Variants in FBXO47 observed in about 807,000 individuals in gnomAD.
FBXO47 encodes the protein F-box only protein 47.
Under a neutral mutation model 53.9 loss-of-function variants are expected in FBXO47, and 34 were observed. The observed-to-expected ratio is 0.63, with a 90% CI of 0.48 to 0.84. The LOEUF is 0.84. Ranked by LOEUF, FBXO47 falls within the 40% of genes least tolerant of loss-of-function variation. The pLI is 0.00. For synonymous variants in FBXO47, 165 were observed against 181.6 expected (o/e 0.91, Z 0.73); for missense variants, 485 against 541.3 (o/e 0.90, Z 1.03).
At chr17:38,944,107 G>T (rs1212040974) in intron 7 of FBXO47, among the ~76,000 whole-genome samples, 1 of 151,904 alleles carries the variant, frequency 6.6e-6, no homozygotes, top group African/African-American at 2.4e-5. Context: ...GCTTGAACCT[G>T]GGAGGCGGAG....
At chr17:38,965,759 T>C (rs1235990901) in intron 1 of FBXO47, among the ~76,000 whole-genome samples, 1 of 137,466 alleles carries the variant, frequency 7.3e-6, no homozygotes, top group South Asian at 2.4e-4. Context: ...GGCACGCGAC[T>C]GTAGTCCCAG....
intron 7 of FBXO47, 112 bp downstream of exon 7, chr17:38,944,848 A>ATGCGTGTGTGTGTGTGTG (rs150367922): frequency 1.3e-5 from 8 of 616,810 alleles, no homozygotes; most frequent in African/African-American, 1.9e-5. Context: ...GCGTGCATGC[A>ATGCGTGTGTGTGTGTGTG]TGTGTGTGTG....
intron 6 of FBXO47, among the ~76,000 whole-genome samples, chr17:38,949,644 G>C (rs529413168): frequency 6.6e-6 from 1 of 152,266 alleles, no homozygotes; most frequent in East Asian, 1.9e-4. Context: ...AGCAATATAT[G>C]AGGATTGTTG....
chr17:38,964,417 G>A (rs1002532093), intron 1 of FBXO47, among the ~76,000 whole-genome samples: 2 of 152,062 alleles, frequency 1.3e-5, no homozygotes, highest in East Asian at 1.9e-4. Context: ...CCAACATAGC[G>A]AAACCCCGTC....
At chr17:38,965,218 C>A (rs1189779039) in intron 1 of FBXO47, among the ~76,000 whole-genome samples, 1 of 152,174 alleles carries the variant, frequency 6.6e-6, no homozygotes, top group Non-Finnish European at 1.5e-5. Context: ...TGTTCTAATT[C>A]AGAAAACAAT....
Position 38,945,001 on chromosome 17 carries a change from C to T in FBXO47, c.752G>A (p.Arg251Lys), listed in dbSNP as rs1306551846. 1 of 1,613,924 alleles carries T rather than the reference C, an allele frequency of 6.2e-7. No individual in the cohort carries two copies. Among genetic ancestry groups the T allele is most frequent in the Non-Finnish European group, 8.5e-7 (1 of 1,179,994 alleles). ...TGGCCCAAAGATGATATACAGTAAT[C>T]TTGCCTGATTCACCATTGGCCATGG... ...LKPWPMVNQA[R>K]LLYIIFGPIS... The change falls in exon 7 of 11, where the codon AGA becomes AAA. Residue 251 changes from arginine to lysine, a missense_variant. Transcript: ENST00000378079.
In FBXO47 at chr17:38,937,115, G is replaced by T. The variant is rs892752969; in HGVS notation, c.*60C>A. ...TGGATGCTATTTTTTGAGTGAAAAA[G>T]TAGCACTCCTCTAATCATTCGTTCA... On this transcript the variant is annotated 3_prime_UTR_variant, in exon 11 of 11. Transcript: ENST00000378079. 70 of 650,480 alleles carry T rather than the reference G, an allele frequency of 1.1e-4. No homozygotes were observed. The highest frequency in any genetic ancestry group is 3.0e-5 in the East Asian group (1 of 33,824). The allele number at this position is 650,480 out of a possible 1,614,324, so 40.3% of individuals were successfully genotyped here.
intron 9 of FBXO47, among the ~76,000 whole-genome samples, chr17:38,942,420 C>A (rs992049977): frequency 1.3e-5 from 2 of 152,014 alleles, no homozygotes; most frequent in African/African-American, 4.8e-5. Flanking sequence ...TAGTGAAACC[C>A]CGTCTCTACT....
Position 38,937,248 on chromosome 17 carries a change from T to C in FBXO47, c.1286A>G (p.His429Arg), listed in dbSNP as rs111921761. ...EDDRSFLNLF[H>R]LVHAQANFHK... is the part of the protein sequence containing the mutation. ...GAAGTTAGCCTGAGCATGTACAAGA[T>C]GGAACAAATTCAAAAAGCTTCTGTC... Residue 429 changes from histidine to arginine, a missense_variant, in exon 11 of 11, where the codon CAT becomes CGT. Physicochemically the swap from His to Arg is conservative, Grantham distance 29. Transcript: ENST00000378079. 1.2e-6 allele frequency: 2 copies of C among 1,610,828 alleles called. No homozygotes were observed. Among genetic ancestry groups the C allele is most frequent in the African/African-American group, 1.3e-5 (1 of 74,882 alleles).
intron 3 of FBXO47, among the ~76,000 whole-genome samples, chr17:38,960,669 T>A (rs1404212545): frequency 6.6e-6 from 1 of 150,440 alleles, no homozygotes; most frequent in African/African-American, 2.5e-5. Context: ...TTTCGCTTTG[T>A]CACCTAGGCT....
At chr17:38,943,274 G>A (rs377140181) in intron 8 of FBXO47, among the ~76,000 whole-genome samples, 1 of 152,114 alleles carries the variant, frequency 6.6e-6, no homozygotes, top group South Asian at 2.1e-4. Context: ...TTTACTCACA[G>A]AAGAGGGCTT....
Position 38,946,010 on chromosome 17 carries a change from T to TAAATATAA in FBXO47, c.617-882_617-875dup, listed in dbSNP as rs1467322121. Among the ~76,000 whole-genome samples the TAAATATAA allele has an allele frequency of 2.3e-5, 3 of 129,424 alleles. No individual in the cohort carries two copies. In the South Asian group the frequency reaches 6.8e-4, roughly 30 times the overall value. 84.9% of individuals were successfully genotyped at this position (129,424 alleles called of 152,430 possible). ...AAATATATAAATATATATAAATACA[T>TAAATATAA]AAATATAAAAATATAAAAATATATA... On this transcript the variant is annotated intron_variant, in intron 6 of 10. Coordinates refer to ENST00000378079, the MANE Select transcript of FBXO47 (RefSeq NM_001008777.3).
chr17:38,961,732 C>G, intron 3 of FBXO47, 145 bp downstream of exon 3: 1 of 674,512 alleles, frequency 1.5e-6, no homozygotes, highest in Non-Finnish European at 2.5e-6. Context: ...AGGGAGTGTT[C>G]TCACACTAAA....
intron 9 of FBXO47, 87 bp from the exon 10 acceptor site, chr17:38,938,819 G>C: frequency 9.0e-7 from 1 of 1,110,994 alleles, no homozygotes; most frequent in Non-Finnish European, 1.3e-6. Flanking sequence ...AATAATTATA[G>C]TTTGTGATTT....
Position 38,936,767 on chromosome 17 carries a change from G to A in FBXO47, c.*408C>T, listed in dbSNP as rs1915590661. On this transcript the variant is annotated 3_prime_UTR_variant, in exon 11 of 11. Coordinates refer to ENST00000378079, the MANE Select transcript of FBXO47 (RefSeq NM_001008777.3). ...TTGCAAATCTTCACAAAACATTCTG[G>A]GCTATGTCTATACAACTTAAACAAA... is the stretch of plus-strand genomic sequence containing the variant. The A allele has an allele frequency of 6.5e-6, 1 of 153,872 alleles. No homozygotes were observed. The highest frequency in any genetic ancestry group is 1.4e-5 in the Non-Finnish European group (1 of 69,356). The allele number at this position is 153,872 out of a possible 1,614,324, so 9.5% of individuals were successfully genotyped here.
chr17:38,951,796 C>T, intron 5 of FBXO47, 107 bp from the exon 6 acceptor site: 1 of 722,384 alleles, frequency 1.4e-6, no homozygotes. Context: ...TTTGGGAGGC[C>T]AAGGTGGGTG....
intron 5 of FBXO47, 28 bp from the exon 6 acceptor site, chr17:38,951,717 A>G: frequency 6.6e-7 from 1 of 1,507,588 alleles, no homozygotes; most frequent in Non-Finnish European, 9.2e-7. Context: ...AACATTGTGG[A>G]TATTCAGACT....
At chr17:38,961,467 G>T (rs942001154) in intron 3 of FBXO47, among the ~76,000 whole-genome samples, 10 of 152,200 alleles carry the variant, frequency 6.6e-5, no homozygotes, top group Non-Finnish European at 1.3e-4. Context: ...AGTTTCTGCT[G>T]AGAGGATAAA....
rs1484207207 is a variant in FBXO47, at chr17:38,938,689, AT to A, written c.1126del (p.Met376Ter). On this transcript the variant is annotated frameshift_variant, in exon 10 of 11. Coordinates refer to ENST00000378079, the MANE Select transcript of FBXO47 (RefSeq NM_001008777.3). LOFTEE classifies it high-confidence loss of function. ...ELYCMDWTVK[M>X]MQKVCKVFST... is the part of the protein sequence containing the mutation. ...AAAGACTTTGCAGACTTTTTGCATC[AT>A]TTTAACTGTCCAATCCATGCAGTAC... is the stretch of plus-strand genomic sequence containing the variant. 6.2e-7 allele frequency: 1 copy of A among 1,613,290 alleles called. No individual in the cohort carries two copies. Among genetic ancestry groups the A allele is most frequent in the Non-Finnish European group, 8.5e-7 (1 of 1,179,414 alleles).
Sources: allele counts gnomAD v4.1 joint callset (sites outside exome capture counted in the v4.1 genomes callset), GRCh38; gene constraint gnomAD v4.1.1; transcripts MANE v1.5; gene names NCBI Gene and HGNC (gene_info 2026-07-23, HGNC 2026-07-21).